Variants in FGD4 observed in about 807,000 individuals in gnomAD.
FGD4 encodes the protein FYVE, RhoGEF and PH domain containing 4.
Under a neutral mutation model 102.0 loss-of-function variants are expected in FGD4, and 42 were observed. The observed-to-expected ratio is 0.41, with a 90% CI of 0.32 to 0.53. The LOEUF is 0.53. FGD4 is among the 20% of genes least tolerant of loss of function. The pLI is 0.21. For synonymous variants in FGD4, 380 were observed against 375.7 expected, an observed-to-expected ratio of 1.01 and a Z score of -0.13; for missense variants, 902 against 1,078.2, an observed-to-expected ratio of 0.84 and a Z score of 2.29.
At chr12:32,617,649 G>T (rs936397885) in intron 10 of FGD4, among the ~76,000 whole-genome samples, 1 of 152,142 alleles carries the variant, frequency 6.6e-6, no homozygotes, top group African/African-American at 2.4e-5. Flanking sequence ...GAAATAAAAG[G>T]GAATCTCCTA....
intron 1 of FGD4, among the ~76,000 whole-genome samples, chr12:32,561,070 GTTTTGTTTTTTTT>G (rs1220747518): frequency 1.2e-4 from 11 of 90,814 alleles, no homozygotes; most frequent in South Asian, 8.2e-4. Flanking sequence ...TCTTTGTTGG[GTTTTGTTTTTTTT>G]TTTTTTTTTT....
At chr12:32,503,203 G>A (rs891094956) in intron 1 of FGD4, among the ~76,000 whole-genome samples, 1 of 152,190 alleles carries the variant, frequency 6.6e-6, no homozygotes, top group African/African-American at 2.4e-5. Flanking sequence ...CTTCTTTTGT[G>A]TAAGTTTTTT....
chr12:32,519,474 A>C (rs1940272100), intron 1 of FGD4, among the ~76,000 whole-genome samples: 1 of 152,170 alleles, frequency 6.6e-6, no homozygotes, highest in African/African-American at 2.4e-5. Context: ...TCAAACTTAC[A>C]TACAGATCTT....
At chr12:32,493,879 A>C (rs1937623996) in intron 1 of FGD4, among the ~76,000 whole-genome samples, 1 of 152,230 alleles carries the variant, frequency 6.6e-6, no homozygotes, top group African/African-American at 2.4e-5. Flanking sequence ...CCTATTTTCG[A>C]TAGGGTGGTG....
chr12:32,607,851 C>G, intron 7 of FGD4, 106 bp from the exon 8 acceptor site: 2 of 1,268,436 alleles, frequency 1.6e-6, no homozygotes, highest in Non-Finnish European at 2.3e-6. Context: ...GACAGTCACA[C>G]TTTGTCGAAA....
intron 1 of FGD4, among the ~76,000 whole-genome samples, chr12:32,546,664 G>A (rs1943247333): frequency 6.6e-6 from 1 of 152,218 alleles, no homozygotes; most frequent in Non-Finnish European, 1.5e-5. Flanking sequence ...ATGGAGGGAA[G>A]TAGGACTTGA....
At chr12:32,623,562 G>A (rs1175939380) in intron 11 of FGD4, among the ~76,000 whole-genome samples, 1 of 152,120 alleles carries the variant, frequency 6.6e-6, no homozygotes, top group Non-Finnish European at 1.5e-5. Flanking sequence ...GAATCAGGCA[G>A]GTGACCTTCA....
intron 1 of FGD4, among the ~76,000 whole-genome samples, chr12:32,521,293 T>C (rs1025253057): frequency 6.7e-6 from 1 of 148,838 alleles, no homozygotes; most frequent in Non-Finnish European, 1.5e-5. Context: ...GGAGAATTGC[T>C]TGAACCAGGG....
At chr12:32,564,059 G>C in intron 1 of FGD4, 78 bp from the exon 2 acceptor site, 7 of 1,359,342 alleles carry the variant, frequency 5.1e-6, no homozygotes, top group Non-Finnish European at 6.9e-6. Context: ...GGGAGTGGGA[G>C]AGGGGAAATT....
chr12:32,399,719 G>A lies in FGD4; in HGVS notation c.-75G>A. On this transcript the variant is annotated 5_prime_UTR_variant, in exon 1 of 17. Transcript: ENST00000534526. ...AGTCGCGCCGAACCTGGGCATGCAG[G>A]CGACGCCCCCCAGGGGCCGCTCGCG... 3 of 1,495,594 alleles carry A rather than the reference G, an allele frequency of 2.0e-6. No individual in the cohort carries two copies. The highest frequency in any genetic ancestry group is 2.7e-6 in the Non-Finnish European group (3 of 1,131,788). 92.6% of individuals were successfully genotyped at this position (1,495,594 alleles called of 1,614,324 possible).
At chr12:32,415,356 C>G (rs868153915) in intron 1 of FGD4, among the ~76,000 whole-genome samples, 2 of 150,482 alleles carry the variant, frequency 1.3e-5, no homozygotes, top group Non-Finnish European at 1.5e-5. Flanking sequence ...AAGATCTGTC[C>G]AATGCTGAAA....
At position 32,611,240 on chromosome 12, in the gene FGD4, T is replaced by C; in HGVS notation, c.1706T>C (p.Leu569Pro). Reference protein sequence around the residue: ...ELIKEGQILKLAARNTSAQER... With the variant: ...ELIKEGQILKPAARNTSAQER... ...ATAAAAGAAGGACAGATCCTCAAAC[T>C]AGCTGCTCGGAACACTTCAGCACAA... is the stretch of plus-strand genomic sequence containing the variant. Residue 569 changes from leucine (L) to proline (P), a missense_variant, in exon 10 of 17, where the codon CTA (leucine) becomes CCA (proline). Coordinates refer to ENST00000534526, the MANE Select transcript of FGD4 (RefSeq NM_001370298.3). 1 of 1,614,196 alleles carries C rather than the reference T, an allele frequency of 6.2e-7. No individual in the cohort carries two copies. The highest frequency in any genetic ancestry group is 8.5e-7 in the Non-Finnish European group (1 of 1,180,032).
intron 2 of FGD4, among the ~76,000 whole-genome samples, chr12:32,570,418 G>A (rs553768415): frequency 1.3e-5 from 2 of 151,884 alleles, no homozygotes; most frequent in Admixed American, 1.3e-4. Flanking sequence ...ATAGTGCATA[G>A]GAGTTTATTT....
chr12:32,447,163 C>G (rs936896064), intron 1 of FGD4, among the ~76,000 whole-genome samples: 4 of 152,152 alleles, frequency 2.6e-5, no homozygotes, highest in African/African-American at 9.7e-5. Context: ...TCATCCAGAC[C>G]GATGACTCCT....
intron 1 of FGD4, among the ~76,000 whole-genome samples, chr12:32,527,773 A>T (rs1176524032): frequency 6.6e-6 from 1 of 152,054 alleles, no homozygotes; most frequent in African/African-American, 2.4e-5. Context: ...GTGAGAGGAA[A>T]TGCTGAAAGA....
At chr12:32,429,520 G>A (rs534429426) in intron 1 of FGD4, among the ~76,000 whole-genome samples, 10 of 152,356 alleles carry the variant, frequency 6.6e-5, no homozygotes, top group African/African-American at 2.2e-4. Context: ...ACCCATTTGA[G>A]GAGGCAGTCT....
chr12:32,494,979 T>C lies in FGD4; in HGVS notation c.167-69158T>C, dbSNP rs79041601. 4.5e-3 allele frequency among the ~76,000 whole-genome samples: 679 copies of C among 152,356 alleles called. 8 individuals are homozygous for C. Among genetic ancestry groups the C allele is most frequent in the African/African-American group, 0.016 (647 of 41,584 alleles). On this transcript the variant is annotated intron_variant, in intron 1 of 16. Coordinates refer to ENST00000534526, the MANE Select transcript of FGD4 (RefSeq NM_001370298.3). Reference sequence around the variant, plus strand: ...TGTGAGTGGAGCCAAGAGGTTTTTTTGTAAGAGGCTTCTGTGTTCTTGTTT... The same window carrying C: ...TGTGAGTGGAGCCAAGAGGTTTTTTCGTAAGAGGCTTCTGTGTTCTTGTTT...
At chr12:32,434,401 T>C (rs1378880395) in intron 1 of FGD4, among the ~76,000 whole-genome samples, 1 of 152,238 alleles carries the variant, frequency 6.6e-6, no homozygotes, top group Non-Finnish European at 1.5e-5. Flanking sequence ...AGTAATAGTT[T>C]TAAATACAGT....
chr12:32,610,257 T>C (rs1345923902), intron 8 of FGD4, among the ~76,000 whole-genome samples: 1 of 152,246 alleles, frequency 6.6e-6, no homozygotes. Context: ...GGAGCTAAAA[T>C]ACTTAATGGT....
Sources: gnomAD v4.1 joint callset for allele counts (sites outside exome capture counted in the v4.1 genomes callset) on GRCh38, gnomAD v4.1.1 for gene constraint, MANE v1.5 for transcripts, NCBI Gene and HGNC (gene_info 2026-07-23, HGNC 2026-07-21) for gene names.